Variants in TIAM1 observed in about 807,000 individuals in gnomAD.
TIAM1 encodes rho guanine nucleotide exchange factor TIAM1.
Under a neutral mutation model 163.5 loss-of-function variants are expected in TIAM1, and 65 were observed. The observed-to-expected ratio is 0.40, with a 90% confidence interval of 0.33 to 0.49. The LOEUF (loss-of-function observed/expected upper bound fraction) is 0.49. TIAM1 is among the 20% of genes least tolerant of loss of function. The pLI, the probability that TIAM1 is intolerant of heterozygous loss-of-function variation, is 0.77. For missense variants in TIAM1, 1,789 were observed against 2,044.7 expected, an observed-to-expected ratio of 0.87 and a Z score of 2.41; for synonymous variants, 833 against 810.1, an observed-to-expected ratio of 1.03 and a Z score of -0.48.
intron 2 of TIAM1, among the ~76,000 whole-genome samples, chr21:31,312,546 T>C (rs1039399060): frequency 6.6e-6 from 1 of 152,216 alleles, no homozygotes; most frequent in Non-Finnish European, 1.5e-5. Flanking sequence ...TTTCACTGTT[T>C]GATTTTTAAA....
chr21:31,398,212 G>C (rs1444682136), intron 2 of TIAM1, among the ~76,000 whole-genome samples: 3 of 147,080 alleles, frequency 2.0e-5, no homozygotes, highest in Non-Finnish European at 4.5e-5. Context: ...GTTGAAACTA[G>C]GTTGAAATGA....
At chr21:31,546,936 G>A (rs2048517116) in intron 1 of TIAM1, among the ~76,000 whole-genome samples, 1 of 136,968 alleles carries the variant, frequency 7.3e-6, no homozygotes, top group African/African-American at 2.9e-5. Context: ...TGTCTCAGCT[G>A]CAGGGCTGTG....
intron 2 of TIAM1, among the ~76,000 whole-genome samples, chr21:31,421,231 A>AT (rs139717361): frequency 0.038 from 5,842 of 152,256 alleles, 352 homozygotes; most frequent in African/African-American, 0.13. Flanking sequence ...AAGAGAGGAC[A>AT]TACAGAGAAG....
chr21:31,531,621 G>A (rs1258487071), intron 1 of TIAM1, among the ~76,000 whole-genome samples: 2 of 151,986 alleles, frequency 1.3e-5, no homozygotes, highest in African/African-American at 2.4e-5. Flanking sequence ...GGAAAAAGGA[G>A]GATCAAAGAG....
chr21:31,314,546 T>A (rs914023875), intron 2 of TIAM1, among the ~76,000 whole-genome samples: 1 of 152,204 alleles, frequency 6.6e-6, no homozygotes, highest in Non-Finnish European at 1.5e-5. Flanking sequence ...CAGGGACCCA[T>A]ATTTTTATTT....
intron 2 of TIAM1, among the ~76,000 whole-genome samples, chr21:31,435,672 G>C (rs900725395): frequency 2.6e-5 from 4 of 152,162 alleles, no homozygotes; most frequent in Non-Finnish European, 4.4e-5. Context: ...CTGCCATCAA[G>C]ATCTGCCATG....
upstream of TIAM1, chr21:31,559,002 G>C (rs894039557): frequency 3.4e-4 from 51 of 151,816 alleles, no homozygotes; most frequent in African/African-American, 1.2e-3. Flanking sequence ...GGCTGCGGGC[G>C]CCAAGGCGTC....
intron 2 of TIAM1, among the ~76,000 whole-genome samples, chr21:31,289,355 A>G (rs1220545520): frequency 1.3e-5 from 2 of 152,136 alleles, no homozygotes; most frequent in African/African-American, 4.8e-5. Flanking sequence ...GATGGTCTGG[A>G]AGTTTTTGTG....
intron 1 of TIAM1, chr21:31,464,078 GACAA>G (rs1198653505): frequency 6.6e-6 from 1 of 152,158 alleles, no homozygotes; most frequent in African/African-American, 2.4e-5. Context: ...ACTTCTGAGT[GACAA>G]ACAGCTTCCA....
intron 15 of TIAM1, among the ~76,000 whole-genome samples, chr21:31,173,045 T>C (rs1007111448): frequency 2.7e-4 from 41 of 152,068 alleles, no homozygotes; most frequent in Admixed American, 2.6e-3. Flanking sequence ...ACGAGGAGAT[T>C]TGGGGAAGTA....
At chr21:31,218,568 C>CA (rs112539898) in intron 8 of TIAM1, among the ~76,000 whole-genome samples, 16,131 of 138,714 alleles carry the variant, frequency 0.12, 2,758 homozygotes, top group African/African-American at 0.38. Context: ...GACTCTTTCT[C>CA]AAAAAAAAAA....
intron 2 of TIAM1, among the ~76,000 whole-genome samples, chr21:31,389,224 T>C (rs2147191908): frequency 6.6e-6 from 1 of 152,246 alleles, no homozygotes; most frequent in Admixed American, 6.5e-5. Flanking sequence ...TTATTTTATT[T>C]TATTTTATTG....
intron 2 of TIAM1, among the ~76,000 whole-genome samples, chr21:31,420,645 G>A (rs2043533977): frequency 6.6e-6 from 1 of 152,174 alleles, no homozygotes; most frequent in East Asian, 1.9e-4. Flanking sequence ...TTAACCAAGT[G>A]TGTATTTTCC....
chr21:31,254,681 CAGAG>C (rs958752648), intron 4 of TIAM1, among the ~76,000 whole-genome samples: 4 of 151,738 alleles, frequency 2.6e-5, no homozygotes, highest in East Asian at 3.9e-4. Flanking sequence ...GCCTGGGCAA[CAGAG>C]AGAGAGAGAC....
At chr21:31,254,465 G>A (rs575523758) in intron 4 of TIAM1, among the ~76,000 whole-genome samples, 43 of 152,292 alleles carry the variant, frequency 2.8e-4, no homozygotes, top group African/African-American at 1.0e-3. Flanking sequence ...AGGCTGAAGC[G>A]GGTGGATCAC....
intron 1 of TIAM1, among the ~76,000 whole-genome samples, chr21:31,473,914 AC>A (rs2045846345): frequency 6.6e-6 from 1 of 152,198 alleles, no homozygotes; most frequent in Non-Finnish European, 1.5e-5. Context: ...TGGGTAACTT[AC>A]AAAGAAAAGA....
At chr21:31,264,494 TATTACCCCC>T (rs987006687) in intron 4 of TIAM1, among the ~76,000 whole-genome samples, 8 of 152,322 alleles carry the variant, frequency 5.3e-5, no homozygotes, top group African/African-American at 1.9e-4. Context: ...CAAAAAACCT[TATTACCCCC>T]ATTTGACAGA....
chr21:31,359,840 GGAAGGAAGGAAGGAAGGA>G lies in TIAM1; in HGVS notation c.-368-20436_-368-20419del, dbSNP rs1569263532. 1.3e-3 allele frequency among the ~76,000 whole-genome samples: 181 copies of G among 141,602 alleles called. 2 individuals carry two copies. Among genetic ancestry groups the G allele is most frequent in the African/African-American group, 4.6e-3 (170 of 36,806 alleles). 92.9% of individuals were successfully genotyped at this position (141,602 alleles called of 152,430 possible). ...AGGAAGGAAGGAAGGAAGGAAGGAAGGAAGGAAGGAAGGAAGGAAGGAAGGGAGGGAGGGAGGAAAGAC... is the reference window on the plus strand; with the variant it reads ...AGGAAGGAAGGAAGGAAGGAAGGAAGAGGAAGGGAGGGAGGGAGGAAAGAC... On this transcript the variant is annotated intron_variant, in intron 2 of 28. Transcript: ENST00000286827.
At chr21:31,287,012 G>A (rs2073835445) in intron 2 of TIAM1, among the ~76,000 whole-genome samples, 1 of 152,082 alleles carries the variant, frequency 6.6e-6, no homozygotes. Context: ...ATACAATTAA[G>A]ACTACAAGCT....
Sources: allele counts gnomAD v4.1 joint callset (sites outside exome capture counted in the v4.1 genomes callset), GRCh38; gene constraint gnomAD v4.1.1; transcripts MANE v1.5; gene names NCBI Gene and HGNC (gene_info 2026-07-23, HGNC 2026-07-21).